The following ITSN1 variants were observed in gnomAD, a reference collection of about 807,000 sequenced individuals.
The protein encoded by ITSN1 is intersectin 1.
A neutral mutation model predicts 239.8 loss-of-function variants in ITSN1; 58 were observed. The observed-to-expected ratio is 0.24, with a 90% CI of 0.20 to 0.30. The LOEUF (loss-of-function observed/expected upper bound fraction) is 0.30, where lower values mean the gene tolerates loss of function less well. Ranked by LOEUF, ITSN1 falls within the 10% of genes least tolerant of loss-of-function variation. ITSN1 has a pLI of 1.00. For synonymous variants in ITSN1, 780 were observed against 770.8 expected, an observed-to-expected ratio of 1.01 and a Z score of -0.20; for missense variants, 1,558 against 2,103.3, an observed-to-expected ratio of 0.74 and a Z score of 5.07.
chr21:33,701,723 AGGCGGAGGCTGCAGTGAGCAGAGATT>A (rs2092019771), intron 1 of ITSN1, among the ~76,000 whole-genome samples: 1 of 150,660 alleles, frequency 6.6e-6, no homozygotes, highest in Non-Finnish European at 1.5e-5. Flanking sequence ...TGAACCCAGG[AGGCGGAGGCTGCAGTGAGCAGAGATT>A]GTGCCACTGC....
intron 1 of ITSN1, 122 bp downstream of exon 1, chr21:33,642,835 C>A (rs1197258251): frequency 6.6e-6 from 1 of 151,866 alleles, no homozygotes; most frequent in Non-Finnish European, 1.5e-5. Flanking sequence ...GCGCTTGTCT[C>A]CCCGGCCGCC....
chr21:33,709,894 AATCTCCAT>A (rs1393487470), intron 1 of ITSN1, among the ~76,000 whole-genome samples: 3 of 152,014 alleles, frequency 2.0e-5, no homozygotes, highest in Admixed American at 2.0e-4. Flanking sequence ...TTTATTGAGT[AATCTCCAT>A]ATCAGTGTTG....
intron 1 of ITSN1, among the ~76,000 whole-genome samples, chr21:33,695,125 A>G (rs1338309355): frequency 6.6e-6 from 1 of 151,810 alleles, no homozygotes; most frequent in Non-Finnish European, 1.5e-5. Context: ...ACTTTTTTCT[A>G]CTCTTGATAT....
intron 11 of ITSN1, among the ~76,000 whole-genome samples, chr21:33,769,464 C>G (rs2068955752): frequency 6.6e-6 from 1 of 152,162 alleles, no homozygotes; most frequent in African/African-American, 2.4e-5. Context: ...GCTTGGACTA[C>G]CATAACAAAA....
At chr21:33,814,099 G>A (rs1374552356) in intron 22 of ITSN1, 27 bp downstream of exon 22, 2 of 1,609,386 alleles carry the variant, frequency 1.2e-6, no homozygotes. Flanking sequence ...AGAGTGTGAA[G>A]ACTTAGCATG....
intron 4 of ITSN1, 87 bp downstream of exon 4, chr21:33,722,738 T>C (rs2065575913): frequency 5.4e-6 from 7 of 1,294,958 alleles, no homozygotes; most frequent in South Asian, 5.1e-5. Flanking sequence ...TGATTTCTTA[T>C]GTTATAAAAG....
At chr21:33,740,959 A>G in intron 5 of ITSN1, among the ~76,000 whole-genome samples, 1 of 152,198 alleles carries the variant, frequency 6.6e-6, no homozygotes, top group East Asian at 1.9e-4. Context: ...CTTTTCTGTA[A>G]AATGGAAAAA....
At chr21:33,793,058 C>G (rs1273316933) in intron 16 of ITSN1, among the ~76,000 whole-genome samples, 1 of 152,162 alleles carries the variant, frequency 6.6e-6, no homozygotes, top group Admixed American at 6.5e-5. Flanking sequence ...GCGTCACTTA[C>G]AGTTTATAAA....
intron 1 of ITSN1, among the ~76,000 whole-genome samples, chr21:33,710,226 C>T (rs11908722): frequency 0.051 from 7,773 of 151,848 alleles, 668 homozygotes; most frequent in African/African-American, 0.18. Context: ...CTGCAGGCAC[C>T]GGCCACCACG....
At chr21:33,683,216 C>T (rs1164711617) in intron 1 of ITSN1, among the ~76,000 whole-genome samples, 1 of 151,778 alleles carries the variant, frequency 6.6e-6, no homozygotes, top group African/African-American at 2.4e-5. Context: ...TGCTTTTACT[C>T]AGAGATCATC....
chr21:33,755,478 TC>T, intron 8 of ITSN1, 81 bp downstream of exon 8: 1 of 749,708 alleles, frequency 1.3e-6, no homozygotes, highest in Non-Finnish European at 2.2e-6. Flanking sequence ...ATAGATATTT[TC>T]CATGTCTGTG....
intron 11 of ITSN1, among the ~76,000 whole-genome samples, chr21:33,768,584 C>G (rs1342940035): frequency 2.6e-5 from 4 of 152,040 alleles, no homozygotes. Context: ...CCCAGCTGAA[C>G]CTATTTTAAA....
At chr21:33,719,152 A>G (rs563235183) in intron 2 of ITSN1, among the ~76,000 whole-genome samples, 1 of 152,320 alleles carries the variant, frequency 6.6e-6, no homozygotes, top group South Asian at 2.1e-4. Context: ...AAAAATTTAC[A>G]ATACCGGGCC....
rs768841848 is a variant in ITSN1 at position 33,750,280 on chromosome 21, G to T, written c.484G>T (p.Ala162Ser). The T allele has an allele frequency of 1.9e-6, 3 of 1,613,794 alleles. No homozygotes were observed. Among genetic ancestry groups the T allele is most frequent in the Admixed American group, 1.7e-5 (1 of 60,016 alleles). The change falls in exon 6 of 40, where the codon GCT becomes TCT. Residue 162 changes from alanine to serine, a missense_variant. Physicochemically the swap from Ala to Ser is moderately conservative, Grantham distance 99. Transcript: ENST00000381318. ...AGCTGTGCCCCCCCTGGCTAACGGG[G>T]CTCCCCCTGTTATACAACCTCTGCC... ...TAAVPPLANG[A>S]PPVIQPLPAF... is the part of the protein sequence containing the mutation.
intron 6 of ITSN1, 43 bp from the exon 7 acceptor site, chr21:33,751,767 T>G (rs762859984): frequency 6.9e-7 from 1 of 1,447,080 alleles, no homozygotes; most frequent in South Asian, 1.2e-5. Flanking sequence ...GGAAAGTTTC[T>G]TATCTTTGTA....
At position 33,898,149 on chromosome 21, in the gene ITSN1, G is replaced by A. The variant is rs1425085425; in HGVS notation, c.*9849G>A. On this transcript the variant is annotated 3_prime_UTR_variant, in exon 40 of 40. Coordinates refer to ENST00000381318, the MANE Select transcript of ITSN1 (RefSeq NM_003024.3). Reference sequence around the variant, plus strand: ...CTTGGGTTCTAGTGGATTTGTTAGGGATCTGGGGCTGACGCAGCTATCCCA... The same window carrying A: ...CTTGGGTTCTAGTGGATTTGTTAGGAATCTGGGGCTGACGCAGCTATCCCA... 6.6e-6 allele frequency: 1 copy of A among 152,196 alleles called. No individual in the cohort carries two copies. The highest frequency in any genetic ancestry group is 1.5e-5 in the Non-Finnish European group (1 of 68,036). The allele number at this position is 152,196 out of a possible 1,614,324, so 9.4% of individuals were successfully genotyped here.
At chr21:33,738,715 A>G (rs182707319) in intron 5 of ITSN1, among the ~76,000 whole-genome samples, 55 of 152,200 alleles carry the variant, frequency 3.6e-4, no homozygotes, top group African/African-American at 1.2e-3. Flanking sequence ...TAGGTTTTTT[A>G]AAATTACCTT....
In ITSN1 at chr21:33,736,199, T is replaced by C. The variant is rs551664643; in HGVS notation, c.346+995T>C. Among the ~76,000 whole-genome samples, 7 of 152,288 alleles carry C rather than the reference T, an allele frequency of 4.6e-5. No homozygotes were observed. The South Asian group carries it at 8.3e-4, about 18-fold the overall frequency. On this transcript the variant is annotated intron_variant, in intron 5 of 39. Coordinates refer to ENST00000381318, the MANE Select transcript of ITSN1 (RefSeq NM_003024.3). ...ACAGTTTAAAACAAAACATGAAAAT[T>C]GTGGCTAGAGTTTCTTTTCATCTCT... is the stretch of plus-strand genomic sequence containing the variant.
intron 29 of ITSN1, among the ~76,000 whole-genome samples, chr21:33,853,811 G>A (rs1056910540): frequency 6.6e-6 from 1 of 152,184 alleles, no homozygotes; most frequent in Non-Finnish European, 1.5e-5. Flanking sequence ...TCTCAGCCCT[G>A]GGACTGGAGT....
Sources: allele counts gnomAD v4.1 joint callset (sites outside exome capture counted in the v4.1 genomes callset), GRCh38; gene constraint gnomAD v4.1.1; transcripts MANE v1.5; gene names NCBI Gene and HGNC (gene_info 2026-07-23, HGNC 2026-07-21).